Variants in TDRD5 observed in about 807,000 individuals in gnomAD.
TDRD5 encodes the protein tudor domain-containing protein 5.
A neutral mutation model predicts 120.6 loss-of-function variants in TDRD5; 41 were observed. The observed-to-expected ratio is 0.34, with a 90% CI of 0.26 to 0.44. TDRD5 has a LOEUF of 0.44. TDRD5 is among the 20% of genes least tolerant of loss of function. TDRD5 has a pLI of 1.00. For missense variants in TDRD5, 1,006 were observed against 1,221.2 expected, an observed-to-expected ratio of 0.82 and a Z score of 2.63; for synonymous variants, 430 against 433.7, an observed-to-expected ratio of 0.99 and a Z score of 0.11.
chr1:179,674,956 G>C (rs1212752498), intron 17 of TDRD5, among the ~76,000 whole-genome samples: 1 of 151,870 alleles, frequency 6.6e-6, no homozygotes, highest in African/African-American at 2.4e-5. Context: ...TCTCACTAAT[G>C]GTCTTTCAAT....
chr1:179,678,609 A>G (rs1572437468), intron 17 of TDRD5, among the ~76,000 whole-genome samples: 1 of 152,302 alleles, frequency 6.6e-6, no homozygotes, highest in South Asian at 2.1e-4. Flanking sequence ...GATATTTTGT[A>G]GTTTTCAGGT....
At chr1:179,651,743 C>T (rs1281527024) in intron 12 of TDRD5, among the ~76,000 whole-genome samples, 2 of 152,012 alleles carry the variant, frequency 1.3e-5, no homozygotes, top group Non-Finnish European at 2.9e-5. Flanking sequence ...GAAACCTCGT[C>T]TCCACTAAAA....
At chr1:179,627,017 T>C (rs1351141047) in intron 6 of TDRD5, among the ~76,000 whole-genome samples, 3 of 152,144 alleles carry the variant, frequency 2.0e-5, no homozygotes. Flanking sequence ...TTTCTGGGCA[T>C]TTAAAGAAAA....
chr1:179,630,616 G>C (rs1677381356), intron 6 of TDRD5, 151 bp from the exon 7 acceptor site: 3 of 700,876 alleles, frequency 4.3e-6, no homozygotes, highest in Non-Finnish European at 6.6e-6. Context: ...CACTTGGTTT[G>C]TTTTATGCTG....
Position 179,592,700 on chromosome 1 carries a change from C to A in TDRD5, c.85C>A (p.Gln29Lys). 1 of 1,614,134 alleles carries A rather than the reference C, an allele frequency of 6.2e-7. No homozygotes were observed. Among genetic ancestry groups the A allele is most frequent in the Non-Finnish European group, 8.5e-7 (1 of 1,180,028 alleles). The change falls in exon 2 of 18, where the codon CAG becomes AAG. Residue 29 changes from glutamine (Q) to lysine (K), a missense_variant. Coordinates refer to ENST00000444136, the MANE Select transcript of TDRD5 (RefSeq NM_001199085.3). ...TTCCACCAAAGATGGTTTGAGCCCA[C>A]AGGAGTTGGAGAAGGAGTACCTTTT... is the stretch of plus-strand genomic sequence containing the variant. ...LISTKDGLSPQELEKEYLLMV... is the reference protein window; with the variant it reads ...LISTKDGLSPKELEKEYLLMV...
intron 4 of TDRD5, 138 bp downstream of exon 4, chr1:179,595,956 A>G (rs1036570814): frequency 9.5e-6 from 8 of 838,894 alleles, no homozygotes; most frequent in Admixed American, 7.0e-5. Context: ...AGCATTTCCT[A>G]TGGTTCTGTA....
At chr1:179,640,173 C>T (rs1008196176) in intron 10 of TDRD5, 122 bp downstream of exon 10, 3 of 1,163,658 alleles carry the variant, frequency 2.6e-6, no homozygotes, top group East Asian at 2.4e-5. Context: ...CTTCCTTCTT[C>T]TTAGTGCATA....
chr1:179,615,323 A>T (rs1363088952), intron 4 of TDRD5, among the ~76,000 whole-genome samples: 4 of 152,082 alleles, frequency 2.6e-5, no homozygotes, highest in African/African-American at 9.7e-5. Context: ...AAAATTTTAT[A>T]ATTTGATGGG....
Position 179,614,253 on chromosome 1 carries a change from T to G in TDRD5, c.832-4346T>G, listed in dbSNP as rs147644680. On this transcript the variant is annotated intron_variant, in intron 4 of 17. Coordinates refer to ENST00000444136, the MANE Select transcript of TDRD5 (RefSeq NM_001199085.3). Reference sequence around the variant, plus strand: ...ACCTGCTTTTTTTCCTCTTATGCATTGCGAATGTGCCACATTACTAAATAT... The same window carrying G: ...ACCTGCTTTTTTTCCTCTTATGCATGGCGAATGTGCCACATTACTAAATAT... 2.6e-3 allele frequency among the ~76,000 whole-genome samples: 397 copies of G among 152,288 alleles called. 2 individuals carry two copies. Among genetic ancestry groups the G allele is most frequent in the African/African-American group, 9.3e-3 (385 of 41,574 alleles).
At chr1:179,671,914 A>G (rs1679873052) in intron 17 of TDRD5, among the ~76,000 whole-genome samples, 2 of 147,404 alleles carry the variant, frequency 1.4e-5, no homozygotes, top group Non-Finnish European at 3.0e-5. Context: ...ATATGCCATT[A>G]TTTCGTTCCT....
intron 4 of TDRD5, among the ~76,000 whole-genome samples, chr1:179,612,947 A>T (rs1451914309): frequency 2.0e-5 from 3 of 151,584 alleles, no homozygotes; most frequent in Non-Finnish European, 2.9e-5. Flanking sequence ...AAAAAAAAAA[A>T]AAAAAAAAAG....
chr1:179,595,522 A>C (rs1253129391), intron 3 of TDRD5, 106 bp from the exon 4 acceptor site: 14 of 947,388 alleles, frequency 1.5e-5, no homozygotes, highest in Non-Finnish European at 1.9e-5. Context: ...TTTTGCTTCT[A>C]AGTTGAAGGC....
intron 11 of TDRD5, among the ~76,000 whole-genome samples, chr1:179,649,980 G>T (rs1415485870): frequency 6.6e-6 from 1 of 152,150 alleles, no homozygotes; most frequent in Non-Finnish European, 1.5e-5. Flanking sequence ...GCAAATCTAT[G>T]TGAAGGATAA....
intron 4 of TDRD5, among the ~76,000 whole-genome samples, chr1:179,599,045 T>G (rs1392845649): frequency 6.6e-6 from 1 of 152,112 alleles, no homozygotes; most frequent in Non-Finnish European, 1.5e-5. Flanking sequence ...CTCCTATTCC[T>G]AGTTTCTCAG....
intron 12 of TDRD5, among the ~76,000 whole-genome samples, 156 bp from the exon 13 acceptor site, chr1:179,651,883 A>G (rs1678735372): frequency 6.6e-6 from 1 of 152,252 alleles, no homozygotes; most frequent in African/African-American, 2.4e-5. Flanking sequence ...ACTGCACTCC[A>G]GCCTGGGCAA....
chr1:179,596,403 A>G (rs1032165749), intron 4 of TDRD5, among the ~76,000 whole-genome samples: 3 of 152,222 alleles, frequency 2.0e-5, no homozygotes, highest in Non-Finnish European at 2.9e-5. Flanking sequence ...TTTGATTAAT[A>G]TATAATTATA....
At chr1:179,630,975 A>C in intron 7 of TDRD5, 55 bp downstream of exon 7, 1 of 1,500,056 alleles carries the variant, frequency 6.7e-7, no homozygotes, top group Non-Finnish European at 9.0e-7. Flanking sequence ...TTATGAGGAC[A>C]AAGAGAAAAC....
intron 9 of TDRD5, among the ~76,000 whole-genome samples, chr1:179,638,509 A>T (rs1390776176): frequency 7.8e-6 from 1 of 128,764 alleles, no homozygotes; most frequent in Non-Finnish European, 1.7e-5. Flanking sequence ...TAACTTTATC[A>T]TAGTAGCTTA....
chr1:179,643,058 A>T (rs1360564185), intron 11 of TDRD5, among the ~76,000 whole-genome samples: 1 of 152,176 alleles, frequency 6.6e-6, no homozygotes, highest in Non-Finnish European at 1.5e-5. Context: ...ATTATATATG[A>T]TCTGCCCAAA....
Sources: gnomAD v4.1 joint callset for allele counts (sites outside exome capture counted in the v4.1 genomes callset) on GRCh38, gnomAD v4.1.1 for gene constraint, MANE v1.5 for transcripts, NCBI Gene and HGNC (gene_info 2026-07-23, HGNC 2026-07-21) for gene names.